Variants in MYOD1 observed in about 807,000 individuals in gnomAD.
The protein encoded by MYOD1 is myogenic differentiation 1, also known as myoblast determination protein 1.
Under a neutral mutation model 14.9 loss-of-function variants are expected in MYOD1, and 15 were observed. That is an observed-to-expected ratio of 1.01 (90% CI 0.67 to 1.55). The LOEUF (loss-of-function observed/expected upper bound fraction) is 1.55. Among genes scored for constraint, MYOD1 ranks in the 40% most tolerant of loss-of-function variants. The pLI is 0.00. For missense variants in MYOD1, 529 were observed against 482.6 expected, an observed-to-expected ratio of 1.10 and a Z score of -0.90; for synonymous variants, 235 against 218.6, an observed-to-expected ratio of 1.07 and a Z score of -0.66.
At chr11:17,720,863 G>C (rs1380969563) in intron 1 of MYOD1, 39 bp from the exon 2 acceptor site, 1 of 1,594,214 alleles carries the variant, frequency 6.3e-7, no homozygotes, top group East Asian at 2.2e-5. Context: ...GCCTCGAGCC[G>C]TCCCGCGGGC....
chr11:17,720,972 C>T lies in MYOD1; in HGVS notation c.701C>T (p.Ala234Val). ...NCYEGAYYNE[A>V]PSEPRPGKSA... ...TACGAAGGCGCCTACTACAACGAGGCGCCCAGCGGTGGGTATTCCGGGCCT... is the reference window on the plus strand; with the variant it reads ...TACGAAGGCGCCTACTACAACGAGGTGCCCAGCGGTGGGTATTCCGGGCCT... Residue 234 changes from alanine to valine, a missense_variant, in exon 2 of 3, where the codon GCG (alanine) becomes GTG (valine). By Grantham distance (64) the Ala-to-Val change is moderately conservative (BLOSUM62 0). Coordinates refer to ENST00000250003, the MANE Select transcript of MYOD1 (RefSeq NM_002478.5). 3 of 1,598,306 alleles carry T rather than the reference C, an allele frequency of 1.9e-6. No homozygotes were observed. The highest frequency in any genetic ancestry group is 2.6e-6 in the Non-Finnish European group (3 of 1,173,574).
chr11:17,721,219 C>G lies in MYOD1; in HGVS notation c.710-36C>G. ...CGGGGGTGGGAGGCTTGTCGCGGCC[C>G]CACCCCTGCTTACTAACCGAGCCCT... On this transcript the variant is annotated intron_variant, in intron 2 of 2. Transcript: ENST00000250003. This position sits in a 1 kb window ranked among gnomAD's most constrained non-coding sequence, Gnocchi z 6.2. 6.7e-7 allele frequency: 1 copy of G among 1,489,704 alleles called. No homozygotes were observed. The highest frequency in any genetic ancestry group is 8.9e-7 in the Non-Finnish European group (1 of 1,121,792). The allele number at this position is 1,489,704 out of a possible 1,614,324, so 92.3% of individuals were successfully genotyped here. A position where few individuals can be genotyped will look rare whatever the true frequency, so the allele number is the denominator to read the frequency against.
In MYOD1 at chr11:17,721,139, G is replaced by A; in HGVS notation, c.710-116G>A. The A allele has an allele frequency of 7.0e-7, 1 of 1,431,204 alleles. No individual in the cohort carries two copies. 88.7% of individuals were successfully genotyped at this position (1,431,204 alleles called of 1,614,324 possible). On this transcript the variant is annotated intron_variant, in intron 2 of 2. Coordinates refer to ENST00000250003, the MANE Select transcript of MYOD1 (RefSeq NM_002478.5). This position sits in a 1 kb window ranked among gnomAD's most constrained non-coding sequence, Gnocchi z 6.2. ...CAAGTAGCTCCCTGTCTTTTGGATT[G>A]TCCCGGACTCTAACTAAAGTCCTCA...
At position 17,721,446 on chromosome 11, in the gene MYOD1, C is replaced by G. The variant is rs1848637775; in HGVS notation, c.901C>G (p.Pro301Ala). ...GESSGDPTQS[P>A]DAAPQCPAGA... ...GAGCAGCGGCGACCCCACCCAGTCA[C>G]CGGACGCCGCCCCGCAGTGCCCTGC... Residue 301 changes from proline (P) to alanine (A), a missense_variant, in exon 3 of 3, where the codon CCG becomes GCG. Pro to Ala is a conservative substitution (Grantham distance 27, BLOSUM62 -1). Transcript: ENST00000250003. This position sits in a 1 kb window ranked among gnomAD's most constrained non-coding sequence, Gnocchi z 6.2. 8.8e-6 allele frequency: 14 copies of G among 1,596,588 alleles called. No individual in the cohort carries two copies. The highest frequency in any genetic ancestry group is 1.2e-5 in the Non-Finnish European group (14 of 1,176,876).
chr11:17,721,225 C>T lies in MYOD1; in HGVS notation c.710-30C>T. The stretch of plus-strand genomic sequence containing the variant: ...TGGGAGGCTTGTCGCGGCCCCACCC[C>T]TGCTTACTAACCGAGCCCTCCCCGC... On this transcript the variant is annotated intron_variant, in intron 2 of 2. Transcript: ENST00000250003. The surrounding 1 kb of genome is among the most constrained non-coding windows in gnomAD (Gnocchi z 6.2). 6.7e-7 allele frequency: 1 copy of T among 1,502,696 alleles called. No individual in the cohort carries two copies. Among genetic ancestry groups the T allele is most frequent in the Non-Finnish European group, 8.9e-7 (1 of 1,127,426 alleles). 93.1% of individuals were successfully genotyped at this position (1,502,696 alleles called of 1,614,324 possible).
In MYOD1 at chr11:17,720,885, GC is replaced by G. The variant is rs1350386570; in HGVS notation, c.631-14del. 6.2e-7 allele frequency: 1 copy of G among 1,607,630 alleles called. No homozygotes were observed. Among genetic ancestry groups the G allele is most frequent in the Admixed American group, 1.7e-5 (1 of 58,954 alleles). ...GCCGTCCCGCGGGCCTGACTCAGTC[GC>G]CCTTGCTGTTTGCAGATGGACTACA... is the stretch of plus-strand genomic sequence containing the variant. On this transcript the variant is annotated splice_polypyrimidine_tract_variant and intron_variant, in intron 1 of 2. Transcript: ENST00000250003.
Position 17,721,623 on chromosome 11 carries a change from A to G in MYOD1, c.*115A>G. The G allele has an allele frequency of 1.6e-5, 20 of 1,272,988 alleles. No individual in the cohort carries two copies. The highest frequency in any genetic ancestry group is 2.1e-5 in the Non-Finnish European group (20 of 967,658). The allele number at this position is 1,272,988 out of a possible 1,614,324, so 78.9% of individuals were successfully genotyped here. A position where few individuals can be genotyped will look rare whatever the true frequency, so the allele number is the denominator to read the frequency against. The stretch of plus-strand genomic sequence containing the variant: ...AGCGCTTTAAAAGCGACCTCTCTTG[A>G]GGTAGGAGAGGCGGGAGAACTGAAG... On this transcript the variant is annotated 3_prime_UTR_variant, in exon 3 of 3. Transcript: ENST00000250003. This position sits in a 1 kb window ranked among gnomAD's most constrained non-coding sequence, Gnocchi z 6.2.
intron 1 of MYOD1, 51 bp from the exon 2 acceptor site, chr11:17,720,851 G>C (rs149262596): frequency 0.01 from 16,445 of 1,570,546 alleles, 132 homozygotes; most frequent in Middle Eastern, 0.021. Flanking sequence ...ATTGGTGTTC[G>C]GGCCTCGAGC....
Position 17,721,022 on chromosome 11 carries a change from A to G in MYOD1, c.709+42A>G, listed in dbSNP as rs1848632542. 2.0e-6 allele frequency: 3 copies of G among 1,533,400 alleles called. No individual in the cohort carries two copies. The highest frequency in any genetic ancestry group is 2.6e-6 in the Non-Finnish European group (3 of 1,136,128). The allele number at this position is 1,533,400 out of a possible 1,614,324, so 95.0% of individuals were successfully genotyped here. A position where few individuals can be genotyped will look rare whatever the true frequency, so the allele number is the denominator to read the frequency against. ...TCTCCCTGCTCGCTCCTCCTCCTTC[A>G]TGGAGCTGTCCTGGCCTCTATCTAG... On this transcript the variant is annotated intron_variant, in intron 2 of 2. Coordinates refer to ENST00000250003, the MANE Select transcript of MYOD1 (RefSeq NM_002478.5). This position sits in a 1 kb window ranked among gnomAD's most constrained non-coding sequence, Gnocchi z 6.2.
rs895118983 is a variant in MYOD1 at position 17,721,927 on chromosome 11, T to C, written c.*419T>C. 16 of 256,714 alleles carry C rather than the reference T, an allele frequency of 6.2e-5. No homozygotes were observed. Among genetic ancestry groups the C allele is most frequent in the Non-Finnish European group, 2.2e-5 (3 of 135,060 alleles). 15.9% of individuals were successfully genotyped at this position (256,714 alleles called of 1,614,324 possible). ...GTAACCGTAACCCACCCCCAACCCG[T>C]TTCCCGGTTCAGGACCACTTTTTGT... On this transcript the variant is annotated 3_prime_UTR_variant, in exon 3 of 3. Coordinates refer to ENST00000250003, the MANE Select transcript of MYOD1 (RefSeq NM_002478.5). The surrounding 1 kb of genome is among the most constrained non-coding windows in gnomAD (Gnocchi z 6.2).
Position 17,721,254 on chromosome 11 carries a change from G to T in MYOD1, c.710-1G>T. ...TTACTAACCGAGCCCTCCCCGCGCA[G>T]AACCCAGGCCCGGGAAGAGTGCGGC... On this transcript the variant is annotated splice_acceptor_variant, in intron 2 of 2. Coordinates refer to ENST00000250003, the MANE Select transcript of MYOD1 (RefSeq NM_002478.5). LOFTEE classifies it high-confidence loss of function. The surrounding 1 kb of genome is among the most constrained non-coding windows in gnomAD (Gnocchi z 6.2). 6.5e-7 allele frequency: 1 copy of T among 1,543,828 alleles called. No individual in the cohort carries two copies.
chr11:17,720,246 G>A lies in MYOD1; in HGVS notation c.464G>A (p.Arg155His). ...PKVEILRNAIRYIEGLQALLR... is the reference protein window; with the variant it reads ...PKVEILRNAIHYIEGLQALLR... ...GTGGAGATCCTGCGCAACGCCATCC[G>A]CTATATCGAGGGCCTGCAGGCTCTG... The change falls in exon 1 of 3, where the codon CGC becomes CAC. Residue 155 changes from arginine (R) to histidine (H), a missense_variant. Coordinates refer to ENST00000250003, the MANE Select transcript of MYOD1 (RefSeq NM_002478.5). The A allele has an allele frequency of 6.2e-7, 1 of 1,607,124 alleles. No homozygotes were observed. The highest frequency in any genetic ancestry group is 1.4e-5 in the African/African-American group (1 of 73,888).
chr11:17,720,020 C>G lies in MYOD1; in HGVS notation c.238C>G (p.His80Asp). Residue 80 changes from histidine to aspartate, a missense_variant, in exon 1 of 3, where the codon CAT becomes GAT. His to Asp is a moderately conservative substitution (Grantham distance 81). Coordinates refer to ENST00000250003, the MANE Select transcript of MYOD1 (RefSeq NM_002478.5). ...HPAPGAREDE[H>D]VRAPSGHHQA... ...GGCCCCGGGCGCACGTGAGGACGAG[C>G]ATGTGCGCGCGCCCAGCGGGCACCA... 1 of 1,590,694 alleles carries G rather than the reference C, an allele frequency of 6.3e-7. No homozygotes were observed.
intron 1 of MYOD1, 45 bp from the exon 2 acceptor site, chr11:17,720,857 C>G (rs762686887): frequency 4.5e-5 from 71 of 1,587,454 alleles, no homozygotes; most frequent in Non-Finnish European, 6.1e-5. Context: ...GTTCGGGCCT[C>G]GAGCCGTCCC....
rs376238291 is a variant in MYOD1, at chr11:17,720,992, G to C, written c.709+12G>C. On this transcript the variant is annotated intron_variant, in intron 2 of 2. Transcript: ENST00000250003. ...CGAGGCGCCCAGCGGTGGGTATTCC[G>C]GGCCTCTCCCTGCTCGCTCCTCCTC... The C allele has an allele frequency of 1.3e-4, 198 of 1,576,410 alleles. 2 individuals carry two copies. The South Asian group carries it at 1.5e-3, about 12-fold the overall frequency.
chr11:17,720,062 C>T lies in MYOD1; in HGVS notation c.280C>T (p.Leu94=), dbSNP rs1441901135. 1 of 1,572,394 alleles carries T rather than the reference C, an allele frequency of 6.4e-7. No individual in the cohort carries two copies. The highest frequency in any genetic ancestry group is 8.6e-7 in the Non-Finnish European group (1 of 1,158,678). Residue 94 remains leucine (L), a synonymous_variant, in exon 1 of 3, where the codon CTA becomes TTA. Transcript: ENST00000250003. ...CGGGCACCACCAGGCGGGCCGCTGC[C>T]TACTGTGGGCCTGCAAGGCGTGCAA... is the stretch of plus-strand genomic sequence containing the variant. ...PSGHHQAGRC[L]LWACKACKRK...
Position 17,721,489 on chromosome 11 carries a change from C to G in MYOD1, c.944C>G (p.Pro315Arg). Residue 315 changes from proline (P) to arginine (R), a missense_variant, in exon 3 of 3, where the codon CCG becomes CGG. Physicochemically the swap from Pro to Arg is moderately radical, Grantham distance 103. Transcript: ENST00000250003. The surrounding 1 kb of genome is among the most constrained non-coding windows in gnomAD (Gnocchi z 6.2). ...PQCPAGANPN[P>R]IYQVL The stretch of plus-strand genomic sequence containing the variant: ...TGCCCTGCGGGTGCGAACCCCAACC[C>G]GATATACCAGGTGCTCTGAGGGGAT... 6.4e-7 allele frequency: 1 copy of G among 1,567,620 alleles called. No homozygotes were observed. The highest frequency in any genetic ancestry group is 2.3e-5 in the East Asian group (1 of 44,066).
In MYOD1 at chr11:17,721,585, C is replaced by A; in HGVS notation, c.*77C>A. On this transcript the variant is annotated 3_prime_UTR_variant, in exon 3 of 3. Transcript: ENST00000250003. This position sits in a 1 kb window ranked among gnomAD's most constrained non-coding sequence, Gnocchi z 6.2. ...GCGCCCAAAAGATTGAACTTAAATG[C>A]CCCCCTCCCAACAGCGCTTTAAAAG... 1 of 1,448,900 alleles carries A rather than the reference C, an allele frequency of 6.9e-7. No homozygotes were observed. Among genetic ancestry groups the A allele is most frequent in the African/African-American group, 1.4e-5 (1 of 69,446 alleles). 89.8% of individuals were successfully genotyped at this position (1,448,900 alleles called of 1,614,324 possible).
Position 17,720,263 on chromosome 11 carries a change from C to T in MYOD1, c.481C>T (p.Gln161Ter). Reference protein sequence around the residue: ...RNAIRYIEGLQALLRDQDAAP... With the variant: ...RNAIRYIEGL ...CGCCATCCGCTATATCGAGGGCCTG[C>T]AGGCTCTGCTGCGCGACCAGGACGC... The change falls in exon 1 of 3, where the codon CAG (glutamine) becomes TAG (stop). Residue 161 changes from glutamine to a stop codon, truncating the protein, a stop_gained. Transcript: ENST00000250003. LOFTEE classifies it high-confidence loss of function. 1 of 1,601,430 alleles carries T rather than the reference C, an allele frequency of 6.2e-7. No individual in the cohort carries two copies. The highest frequency in any genetic ancestry group is 8.5e-7 in the Non-Finnish European group (1 of 1,176,210).
Sources: gnomAD v4.1 joint callset for allele counts on GRCh38, gnomAD v4.1.1 for gene constraint, Gnocchi (gnomAD v3.1) non-coding constraint, MANE v1.5 for transcripts, NCBI Gene and HGNC (gene_info 2026-07-23, HGNC 2026-07-21) for gene names.